TUT7: variants seen among roughly 807,000 people sequenced by gnomAD.
TUT7 encodes terminal uridylyl transferase 7.
TUT7 carries 33 observed loss-of-function variants against 165.9 expected under a neutral mutation model. The observed-to-expected ratio is 0.20, with a 90% confidence interval of 0.15 to 0.27. The LOEUF is 0.27. Ranked by LOEUF, TUT7 falls within the 10% of genes least tolerant of loss-of-function variation. The pLI, the probability that TUT7 is intolerant of heterozygous loss-of-function variation, is 1.00. For synonymous variants in TUT7, 552 were observed against 608.1 expected, an observed-to-expected ratio of 0.91 and a Z score of 1.36; for missense variants, 1,338 against 1,762.3, an observed-to-expected ratio of 0.76 and a Z score of 4.31.
chr9:86,345,855 C>G (rs1289076796), intron 3 of TUT7, 70 bp from the exon 4 acceptor site: 9 of 1,116,672 alleles, frequency 8.1e-6, no homozygotes, highest in Non-Finnish European at 1.1e-5. Context: ...ACAAAATCAG[C>G]CAGGAAATGA....
intron 25 of TUT7, 162 bp from the exon 26 acceptor site, chr9:86,301,763 G>A: frequency 6.1e-6 from 6 of 985,406 alleles, no homozygotes; most frequent in Non-Finnish European, 7.2e-6. Flanking sequence ...CATCTTCTCT[G>A]TTAAGATGCT....
intron 2 of TUT7, among the ~76,000 whole-genome samples, chr9:86,349,617 T>C (rs893790220): frequency 2.0e-5 from 3 of 152,220 alleles, no homozygotes; most frequent in African/African-American, 4.8e-5. Context: ...CTTCTCACAT[T>C]GTTGAATAAT....
At chr9:86,322,832 T>C (rs1270281287) in intron 13 of TUT7, 41 bp downstream of exon 13, 22 of 1,527,380 alleles carry the variant, frequency 1.4e-5, no homozygotes, top group Non-Finnish European at 1.8e-5. Flanking sequence ...TCAAAGTCCT[T>C]AAAGTCTCCT....
In TUT7 at chr9:86,304,829, ATTTTTTG is replaced by A; in HGVS notation, c.3978+20_3978+26del. 1 of 1,494,418 alleles carries A rather than the reference ATTTTTTG, an allele frequency of 6.7e-7. No individual in the cohort carries two copies. The highest frequency in any genetic ancestry group is 9.1e-7 in the Non-Finnish European group (1 of 1,095,738). 92.6% of individuals were successfully genotyped at this position (1,494,418 alleles called of 1,614,324 possible). A position where few individuals can be genotyped will look rare whatever the true frequency, so the allele number is the denominator to read the frequency against. On this transcript the variant is annotated intron_variant, in intron 24 of 26. Transcript: ENST00000375963. ...AATTAGGCACTTTTTTTTATTTTTT[ATTTTTTG>A]GTATTTCCAACACACTTACCATTTT...
At chr9:86,339,275 C>G (rs1292882559) in intron 8 of TUT7, among the ~76,000 whole-genome samples, 1 of 152,014 alleles carries the variant, frequency 6.6e-6, no homozygotes, top group Admixed American at 6.6e-5. Context: ...GCCTGTAATC[C>G]CAGCACTTTG....
chr9:86,338,504 C>A (rs930239499), intron 9 of TUT7, among the ~76,000 whole-genome samples: 3 of 152,144 alleles, frequency 2.0e-5, no homozygotes, highest in African/African-American at 7.2e-5. Context: ...AGCTTTATCT[C>A]AACGTTCCTG....
At chr9:86,303,036 G>T (rs775795124) in intron 25 of TUT7, 50 bp downstream of exon 25, 8 of 817,282 alleles carry the variant, frequency 9.8e-6, no homozygotes, top group Non-Finnish European at 1.4e-5. Context: ...TTAAAAATTG[G>T]GACATTAAGA....
At chr9:86,319,323 T>A (rs1257438654) in intron 15 of TUT7, among the ~76,000 whole-genome samples, 2 of 152,228 alleles carry the variant, frequency 1.3e-5, no homozygotes, top group Non-Finnish European at 2.9e-5. Flanking sequence ...AAATGTTAGA[T>A]CACCTCAACA....
intron 26 of TUT7, among the ~76,000 whole-genome samples, chr9:86,290,221 C>CA (rs796218393): frequency 3.9e-5 from 6 of 152,216 alleles, no homozygotes; most frequent in African/African-American, 1.4e-4. Flanking sequence ...ACTTTATCCC[C>CA]AAAATCTAAA....
At chr9:86,305,453 C>G (rs1371975167) in intron 22 of TUT7, among the ~76,000 whole-genome samples, 1 of 152,110 alleles carries the variant, frequency 6.6e-6, no homozygotes, top group African/African-American at 2.4e-5. Context: ...CTAAGCAATA[C>G]ATATTCCTAA....
At chr9:86,307,088 T>C (rs1428832451) in intron 22 of TUT7, among the ~76,000 whole-genome samples, 1 of 151,984 alleles carries the variant, frequency 6.6e-6, no homozygotes, top group Non-Finnish European at 1.5e-5. Flanking sequence ...CTTGCCAACA[T>C]GGTGAAACCC....
At chr9:86,296,720 G>T (rs1345492790) in intron 26 of TUT7, among the ~76,000 whole-genome samples, 2 of 152,216 alleles carry the variant, frequency 1.3e-5, no homozygotes, top group African/African-American at 2.4e-5. Context: ...CCATATATGA[G>T]AGTAGGGGCT....
At position 86,305,205 on chromosome 9, in the gene TUT7, T is replaced by C. The variant is rs1827349254; in HGVS notation, c.3873A>G (p.Gly1291=). ...GAAGTAACTCACTTTTCCTTGATAA[T>C]CCAGCTCCAAGATTATGATTCAAAT... ...PFDLNHNLGA[G]LSRKMTNFIM... Residue 1291 remains glycine (G), a synonymous_variant, in exon 23 of 27, where the codon GGA becomes GGG. Transcript: ENST00000375963. The C allele has an allele frequency of 2.5e-6, 4 of 1,601,508 alleles. No homozygotes were observed. Among genetic ancestry groups the C allele is most frequent in the Non-Finnish European group, 3.4e-6 (4 of 1,176,166 alleles).
intron 11 of TUT7, chr9:86,326,259 G>C (rs1829788013): frequency 6.6e-6 from 1 of 152,666 alleles, no homozygotes; most frequent in African/African-American, 2.4e-5. Flanking sequence ...GACAAGCTTA[G>C]ATCTGAAATC....
chr9:86,317,122 G>A (rs1016601921), intron 17 of TUT7, 97 bp downstream of exon 17: 3 of 1,019,256 alleles, frequency 2.9e-6, no homozygotes, highest in Non-Finnish European at 4.5e-6. Flanking sequence ...GGTGATGGGT[G>A]GGCCTGGAAC....
intron 11 of TUT7, among the ~76,000 whole-genome samples, chr9:86,327,843 C>G (rs545900113): frequency 1.3e-5 from 2 of 152,126 alleles, no homozygotes; most frequent in African/African-American, 2.4e-5. Context: ...GGCCTTTCAC[C>G]TATTTGGGAG....
intron 2 of TUT7, among the ~76,000 whole-genome samples, chr9:86,347,063 G>A (rs138159378): frequency 2.0e-5 from 3 of 152,086 alleles, no homozygotes; most frequent in South Asian, 2.1e-4. Flanking sequence ...CACCTAAGCC[G>A]GGTCCCTCCG....
chr9:86,343,496 AT>A (rs1329514376), intron 5 of TUT7, among the ~76,000 whole-genome samples: 1 of 152,284 alleles, frequency 6.6e-6, no homozygotes, highest in East Asian at 1.9e-4. Flanking sequence ...TATTTAAAAT[AT>A]TTTTTTAAAT....
intron 19 of TUT7, 53 bp downstream of exon 19, chr9:86,309,875 G>T: frequency 6.7e-7 from 1 of 1,488,740 alleles, no homozygotes; most frequent in Non-Finnish European, 9.4e-7. Context: ...TTTCAACAGT[G>T]TTTAAAGATG....
Sources: gnomAD v4.1 joint callset for allele counts (sites outside exome capture counted in the v4.1 genomes callset) on GRCh38, gnomAD v4.1.1 for gene constraint, MANE v1.5 for transcripts, NCBI Gene and HGNC (gene_info 2026-07-23, HGNC 2026-07-21) for gene names.